The following FREM3 variants were observed in gnomAD, a reference collection of about 807,000 sequenced individuals.
FREM3 encodes FRAS1-related extracellular matrix protein 3.
FREM3 carries 105 observed loss-of-function variants against 129.1 expected under a neutral mutation model. The observed-to-expected ratio is 0.81, with a 90% CI of 0.69 to 0.96. The LOEUF is 0.96. FREM3 is among the 40% of genes least tolerant of loss of function. The pLI is 0.00. For synonymous variants in FREM3, 1,014 were observed against 1,044.9 expected (o/e 0.97, Z 0.57); for missense variants, 2,593 against 2,666.3 (o/e 0.97, Z 0.61).
At position 143,696,569 on chromosome 4, in the gene FREM3, A is replaced by C; in HGVS notation, c.4107T>G (p.Leu1369=). 1 of 1,537,480 alleles carries C rather than the reference A, an allele frequency of 6.5e-7. No homozygotes were observed. Among genetic ancestry groups the C allele is most frequent in the Non-Finnish European group, 8.7e-7 (1 of 1,146,968 alleles). The part of the protein sequence containing the change: ...RKPRGEVRNN[L]TLGMNFTQDE... Reference sequence around the variant, plus strand: ...CCTGGGTAAAGTTCATTCCCAGAGTAAGATTGTTCCTCACTTCTCCTCTGG... The same window carrying C: ...CCTGGGTAAAGTTCATTCCCAGAGTCAGATTGTTCCTCACTTCTCCTCTGG... Residue 1369 remains leucine, a synonymous_variant, in exon 1 of 8, where the codon CTT becomes CTG. Coordinates refer to ENST00000329798, the MANE Select transcript of FREM3 (RefSeq NM_001168235.2).
intron 2 of FREM3, among the ~76,000 whole-genome samples, chr4:143,685,079 T>C (rs1313871081): frequency 1.3e-5 from 2 of 152,188 alleles, no homozygotes; most frequent in East Asian, 1.9e-4. Flanking sequence ...AAAACATTTT[T>C]GGGGGAATAA....
At chr4:143,603,366 G>T (rs991559841) in intron 6 of FREM3, among the ~76,000 whole-genome samples, 8 of 152,150 alleles carry the variant, frequency 5.3e-5, no homozygotes, top group African/African-American at 9.7e-5. Flanking sequence ...ACCTTAAAAT[G>T]ATTTTGATAC....
At chr4:143,677,516 T>G (rs1162694842) in intron 2 of FREM3, among the ~76,000 whole-genome samples, 1 of 152,126 alleles carries the variant, frequency 6.6e-6, no homozygotes, top group Admixed American at 6.5e-5. Context: ...CCAAAAGCAA[T>G]GGCAACAGAA....
chr4:143,655,429 C>G (rs962450259), intron 2 of FREM3, among the ~76,000 whole-genome samples: 4 of 152,148 alleles, frequency 2.6e-5, no homozygotes, highest in Non-Finnish European at 4.4e-5. Flanking sequence ...AAAAACATTG[C>G]AGGTGAACAA....
At chr4:143,595,889 G>GGAAAAAAAAAAAAAAAAAA (rs750809003) in intron 6 of FREM3, among the ~76,000 whole-genome samples, 2 of 110,666 alleles carry the variant, frequency 1.8e-5, no homozygotes. Flanking sequence ...CGCCATCTCA[G>GGAAAAAAAAAAAAAAAAAA]AAAAAAAAAA....
chr4:143,683,329 G>C (rs976313675), intron 2 of FREM3, among the ~76,000 whole-genome samples: 2 of 152,164 alleles, frequency 1.3e-5, no homozygotes, highest in African/African-American at 4.8e-5. Flanking sequence ...CAGGACCTGG[G>C]AGAGTCCCCC....
chr4:143,700,170 A>G lies in FREM3; in HGVS notation c.506T>C (p.Leu169Pro). 2 of 1,537,018 alleles carry G rather than the reference A, an allele frequency of 1.3e-6. No homozygotes were observed. Among genetic ancestry groups the G allele is most frequent in the Non-Finnish European group, 1.7e-6 (2 of 1,146,908 alleles). Reference sequence around the variant, plus strand: ...TACCAAAGGCCTGTTACGCGTCACCAGCTCCAGCTGGGAGAAGACCAAGTC... The same window carrying G: ...TACCAAAGGCCTGTTACGCGTCACCGGCTCCAGCTGGGAGAAGACCAAGTC... ...AVDLVFSQLE[L>P]VTRNRPLVVE... is the part of the protein sequence containing the mutation. The change falls in exon 1 of 8, where the codon CTG (leucine) becomes CCG (proline). Residue 169 changes from leucine to proline, a missense_variant. By Grantham distance (98) the Leu-to-Pro change is moderately conservative. Around this residue, in one of 2 missense-constraint regions of FREM3, gnomAD observed 2,276 missense variants for 2,267.2 expected, o/e 1.00. Coordinates refer to ENST00000329798, the MANE Select transcript of FREM3 (RefSeq NM_001168235.2).
intron 2 of FREM3, among the ~76,000 whole-genome samples, chr4:143,655,451 G>A (rs138384498): frequency 2.2e-4 from 34 of 152,240 alleles, no homozygotes; most frequent in African/African-American, 7.0e-4. Flanking sequence ...ACTGTATTTA[G>A]TGGTTAATAA....
At chr4:143,654,465 G>A (rs571186612) in intron 2 of FREM3, among the ~76,000 whole-genome samples, 9 of 152,300 alleles carry the variant, frequency 5.9e-5, no homozygotes, top group Admixed American at 6.5e-5. Context: ...AATAAAAGAC[G>A]TTATTGAAAT....
intron 4 of FREM3, 28 bp from the exon 5 acceptor site, chr4:143,621,190 C>T (rs1456826140): frequency 1.3e-6 from 2 of 1,535,094 alleles, no homozygotes; most frequent in African/African-American, 2.7e-5. Context: ...AGACTTTTCA[C>T]CAAGATTTAG....
rs1740600321 is a variant in FREM3 at position 143,697,610 on chromosome 4, A to G, written c.3066T>C (p.Thr1022=). The G allele has an allele frequency of 6.5e-7, 1 of 1,537,686 alleles. No homozygotes were observed. The highest frequency in any genetic ancestry group is 1.4e-5 in the African/African-American group (1 of 73,042). The change falls in exon 1 of 8, where the codon ACT becomes ACC. Residue 1022 remains threonine (T), a synonymous_variant. Transcript: ENST00000329798. ...GCTTTTGAAAACCAACTTCACCTGC[A>G]GTGTGGGCATAGGCTACTCTCCCAT... ...LINGRVAYAH[T]AGEVGFQKQH...
At chr4:143,577,999 G>T in intron 7 of FREM3, 147 bp from the exon 8 acceptor site, 1 of 932,334 alleles carries the variant, frequency 1.1e-6, no homozygotes, top group Non-Finnish European at 1.6e-6. Context: ...TTGATCCCCA[G>T]AAGGGGGAAC....
chr4:143,592,538 T>C (rs1738385322), intron 6 of FREM3, among the ~76,000 whole-genome samples: 1 of 152,186 alleles, frequency 6.6e-6, no homozygotes, highest in African/African-American at 2.4e-5. Flanking sequence ...GGGTTGAAAA[T>C]TCTTTTCTTT....
chr4:143,671,115 C>A (rs1012030084), intron 2 of FREM3, among the ~76,000 whole-genome samples: 7 of 152,102 alleles, frequency 4.6e-5, no homozygotes, highest in Non-Finnish European at 1.0e-4. Context: ...AATATTCAGC[C>A]TCTACAAATC....
chr4:143,684,334 CTG>C (rs931587786), intron 2 of FREM3, among the ~76,000 whole-genome samples: 16 of 152,200 alleles, frequency 1.1e-4, no homozygotes, highest in Non-Finnish European at 2.1e-4. Flanking sequence ...TGACAGGACT[CTG>C]TGCAGAAAAC....
chr4:143,619,934 C>T lies in FREM3; in HGVS notation c.5779+1103G>A, dbSNP rs772672466. On this transcript the variant is annotated intron_variant, in intron 5 of 7. Coordinates refer to ENST00000329798, the MANE Select transcript of FREM3 (RefSeq NM_001168235.2). Reference sequence around the variant, plus strand: ...AGAAAAGCTGGAGGAATAAATTCTCCCTTGCTGACATATCAACAAGTAGGA... The same window carrying T: ...AGAAAAGCTGGAGGAATAAATTCTCTCTTGCTGACATATCAACAAGTAGGA... Among the ~76,000 whole-genome samples the T allele has an allele frequency of 6.6e-5, 10 of 151,986 alleles. 1 individual carries two copies. Among genetic ancestry groups the T allele is most frequent in the Admixed American group, 2.6e-4 (4 of 15,274 alleles).
chr4:143,680,554 A>G (rs191874391), intron 2 of FREM3, among the ~76,000 whole-genome samples: 122 of 152,148 alleles, frequency 8.0e-4, no homozygotes, highest in African/African-American at 2.9e-3. Flanking sequence ...TTTATCTGCT[A>G]ATTTTTACCT....
chr4:143,670,728 C>A (rs996709392), intron 2 of FREM3, among the ~76,000 whole-genome samples: 3 of 152,070 alleles, frequency 2.0e-5, no homozygotes, highest in Non-Finnish European at 4.4e-5. Context: ...TTCAAAAAAT[C>A]ATTCATAATA....
At position 143,700,048 on chromosome 4, in the gene FREM3, G is replaced by A. The variant is rs1242539031; in HGVS notation, c.628C>T (p.Leu210Phe). The A allele has an allele frequency of 1.1e-5, 16 of 1,520,638 alleles. No individual in the cohort carries two copies. Among genetic ancestry groups the A allele is most frequent in the Non-Finnish European group, 1.3e-5 (15 of 1,136,244 alleles). The allele number at this position is 1,520,638 out of a possible 1,614,324, so 94.2% of individuals were successfully genotyped here. ...SGATATRRCRLTPLPHEDGPL... is the reference protein window; with the variant it reads ...SGATATRRCRFTPLPHEDGPL... ...CCGTCCTCGTGAGGAAGTGGGGTAA[G>A]CCGGCACCTGCGGGTGGCCGTGGCT... The change falls in exon 1 of 8, where the codon CTT (leucine) becomes TTT (phenylalanine). Residue 210 changes from leucine (L) to phenylalanine (F), a missense_variant. By Grantham distance (22) the Leu-to-Phe change is conservative. Transcript: ENST00000329798.
Sources: allele counts gnomAD v4.1 joint callset (sites outside exome capture counted in the v4.1 genomes callset), GRCh38; gene constraint gnomAD v4.1.1; regional missense constraint gnomAD v4.1.1; transcripts MANE v1.5; gene names NCBI Gene and HGNC (gene_info 2026-07-23, HGNC 2026-07-21).